SDK1: variants seen among roughly 807,000 people sequenced by gnomAD.
SDK1 encodes the protein protein sidekick-1.
In SDK1, 157 loss-of-function variants were observed where a neutral mutation model predicts 245.5. That is an observed-to-expected ratio of 0.64 (90% CI 0.56 to 0.73). SDK1 has a LOEUF of 0.73. Among genes scored for constraint, SDK1 ranks in the 30% least tolerant of loss-of-function variants. The probability of loss-of-function intolerance (pLI) is 0.00; values close to 1 mark genes in which losing one functional copy is unlikely to be tolerated. For missense variants in SDK1, 3,583 were observed against 3,002.3 expected (o/e 1.19, Z -4.52); for synonymous variants, 1,647 against 1,278.5 (o/e 1.29, Z -6.15).
intron 8 of SDK1, among the ~76,000 whole-genome samples, chr7:3,960,926 G>A (rs1434120954): frequency 6.6e-6 from 1 of 152,200 alleles, no homozygotes; most frequent in Admixed American, 6.5e-5. Flanking sequence ...ATACAATACT[G>A]CGGGGGATAA....
chr7:3,749,638 A>T (rs192957388), intron 4 of SDK1, among the ~76,000 whole-genome samples: 6 of 152,332 alleles, frequency 3.9e-5, no homozygotes, highest in African/African-American at 1.2e-4. Context: ...AAGTAATCAA[A>T]GTTCTGATAC....
intron 4 of SDK1, among the ~76,000 whole-genome samples, chr7:3,816,821 A>G (rs1344977212): frequency 6.6e-6 from 1 of 152,154 alleles, no homozygotes; most frequent in Admixed American, 6.5e-5. Context: ...AACCCTTTTA[A>G]AAGTTGCTTA....
intron 1 of SDK1, among the ~76,000 whole-genome samples, chr7:3,554,098 A>T (rs988721312): frequency 2.0e-5 from 3 of 152,190 alleles, no homozygotes; most frequent in Non-Finnish European, 4.4e-5. Context: ...CAACACAATC[A>T]AGCAACAGGA....
At chr7:3,742,680 T>C (rs1779509385) in intron 4 of SDK1, among the ~76,000 whole-genome samples, 1 of 152,232 alleles carries the variant, frequency 6.6e-6, no homozygotes, top group Non-Finnish European at 1.5e-5. Context: ...CCCCTTTCTG[T>C]GTAAAACTTT....
intron 1 of SDK1, among the ~76,000 whole-genome samples, chr7:3,439,649 CT>C (rs1470339944): frequency 1.3e-5 from 2 of 152,204 alleles, no homozygotes; most frequent in African/African-American, 4.8e-5. Flanking sequence ...GTACATTTCT[CT>C]TTTTGAATTT....
At chr7:4,019,178 A>T (rs1042198506) in intron 17 of SDK1, among the ~76,000 whole-genome samples, 2 of 152,200 alleles carry the variant, frequency 1.3e-5, no homozygotes, top group African/African-American at 4.8e-5. Context: ...CCCTTCCTCA[A>T]AGTGCAGACA....
At chr7:3,853,472 T>C (rs1309967925) in intron 5 of SDK1, among the ~76,000 whole-genome samples, 1 of 152,202 alleles carries the variant, frequency 6.6e-6, no homozygotes, top group Non-Finnish European at 1.5e-5. Context: ...GAAAATTTTA[T>C]AATTAAATTT....
At chr7:4,005,088 C>T (rs970203557) in intron 14 of SDK1, among the ~76,000 whole-genome samples, 4 of 139,206 alleles carry the variant, frequency 2.9e-5, no homozygotes, top group Non-Finnish European at 6.1e-5. Flanking sequence ...GCTGTGTCAC[C>T]AGGCTGTAGT....
At chr7:4,105,844 G>T (rs1009116350) in intron 22 of SDK1, among the ~76,000 whole-genome samples, 2 of 152,196 alleles carry the variant, frequency 1.3e-5, no homozygotes, top group African/African-American at 4.8e-5. Context: ...CTCTGAGAGG[G>T]GGAAGAGTGG....
intron 1 of SDK1, among the ~76,000 whole-genome samples, chr7:3,421,399 A>G (rs762277840): frequency 3.3e-5 from 5 of 152,080 alleles, no homozygotes; most frequent in South Asian, 2.1e-4. Context: ...CTAGTTATCA[A>G]TGTTAAATTT....
At chr7:4,218,605 G>C (rs749001918) in intron 38 of SDK1, among the ~76,000 whole-genome samples, 2 of 152,324 alleles carry the variant, frequency 1.3e-5, no homozygotes, top group Middle Eastern at 3.4e-3. Flanking sequence ...AAGTGGAGAT[G>C]ACTGGGGTAT....
chr7:4,065,516 G>C (rs7797437), intron 19 of SDK1, among the ~76,000 whole-genome samples: 39,266 of 151,986 alleles, frequency 0.26, 7,693 homozygotes, highest in African/African-American at 0.56. Context: ...AAAAGAACAA[G>C]TCAGTGCAAA....
intron 4 of SDK1, among the ~76,000 whole-genome samples, chr7:3,697,613 C>G (rs905923912): frequency 1.5e-4 from 23 of 152,088 alleles, no homozygotes; most frequent in Admixed American, 9.2e-4. Context: ...ATCTTCATCC[C>G]CAAATCTGAA....
chr7:4,021,445 G>A (rs997933163), intron 17 of SDK1, among the ~76,000 whole-genome samples: 2 of 152,184 alleles, frequency 1.3e-5, no homozygotes, highest in Admixed American at 1.3e-4. Context: ...CACAGTGACA[G>A]GAGCTTAAAC....
At chr7:3,401,767 A>G (rs898868919) in intron 1 of SDK1, among the ~76,000 whole-genome samples, 2 of 152,006 alleles carry the variant, frequency 1.3e-5, no homozygotes, top group African/African-American at 4.8e-5. Flanking sequence ...TGTATGAATT[A>G]CCCCTTAATT....
intron 5 of SDK1, among the ~76,000 whole-genome samples, chr7:3,937,002 AGAAGC>A (rs1780186041): frequency 6.6e-6 from 1 of 152,206 alleles, no homozygotes; most frequent in Admixed American, 6.5e-5. Flanking sequence ...GCTGTGAAAG[AGAAGC>A]CCTGGCTGCC....
In SDK1 at chr7:3,959,009, C is replaced by A; in HGVS notation, c.1229C>A (p.Ala410Asp). Residue 410 changes from alanine to aspartate, a missense_variant, in exon 8 of 45, where the codon GCC becomes GAC. Transcript: ENST00000404826. ...VEETVDIGCQ[A>D]MGVPLPTLQW... ...GAAACTGTGGACATCGGATGTCAAGCCATGGGTGAGTGCAGAGTGGCTGCT... is the reference window on the plus strand; with the variant it reads ...GAAACTGTGGACATCGGATGTCAAGACATGGGTGAGTGCAGAGTGGCTGCT... 6.2e-7 allele frequency: 1 copy of A among 1,612,680 alleles called. No individual in the cohort carries two copies. The highest frequency in any genetic ancestry group is 8.5e-7 in the Non-Finnish European group (1 of 1,178,752).
At chr7:4,190,128 G>A (rs1337053010) in intron 35 of SDK1, among the ~76,000 whole-genome samples, 1 of 152,178 alleles carries the variant, frequency 6.6e-6, no homozygotes, top group Non-Finnish European at 1.5e-5. Context: ...AAGAGTGAAT[G>A]GCACCTGTTT....
intron 4 of SDK1, among the ~76,000 whole-genome samples, chr7:3,700,891 A>G (rs909172480): frequency 5.9e-5 from 9 of 152,254 alleles, no homozygotes; most frequent in Non-Finnish European, 1.0e-4. Context: ...TATTCCTTAA[A>G]GGTGGGTATT....
Sources: allele counts gnomAD v4.1 joint callset (sites outside exome capture counted in the v4.1 genomes callset), GRCh38; gene constraint gnomAD v4.1.1; transcripts MANE v1.5; gene names NCBI Gene and HGNC (gene_info 2026-07-23, HGNC 2026-07-21).